SLC24A3: variants seen among roughly 807,000 people sequenced by gnomAD.
SLC24A3 encodes sodium/potassium/calcium exchanger 3.
A neutral mutation model predicts 75.8 loss-of-function variants in SLC24A3; 28 were observed. That is an observed-to-expected ratio of 0.37 (90% CI 0.27 to 0.51). The LOEUF is 0.51. Among genes scored for constraint, SLC24A3 ranks in the 20% least tolerant of loss-of-function variants. The pLI is 0.94. For synonymous variants in SLC24A3, 372 were observed against 334.1 expected, an observed-to-expected ratio of 1.11 and a Z score of -1.24; for missense variants, 663 against 847.8, an observed-to-expected ratio of 0.78 and a Z score of 2.71.
intron 2 of SLC24A3, among the ~76,000 whole-genome samples, chr20:19,445,688 A>G (rs113831497): frequency 1.3e-5 from 2 of 152,288 alleles, no homozygotes; most frequent in East Asian, 3.9e-4. Flanking sequence ...CAACAGGTGC[A>G]TTGAACCCCT....
intron 2 of SLC24A3, among the ~76,000 whole-genome samples, chr20:19,305,864 C>T (rs1000017187): frequency 6.6e-6 from 1 of 152,038 alleles, no homozygotes. Flanking sequence ...GCAACAAAAA[C>T]AAAAATTGAC....
intron 2 of SLC24A3, among the ~76,000 whole-genome samples, chr20:19,506,434 T>TA (rs986737500): frequency 1.9e-4 from 29 of 152,034 alleles, no homozygotes; most frequent in African/African-American, 4.8e-4. Flanking sequence ...CTTATGCCCT[T>TA]AAAAAAACAA....
chr20:19,705,441 G>A (rs923633990), intron 15 of SLC24A3, among the ~76,000 whole-genome samples: 3 of 152,126 alleles, frequency 2.0e-5, no homozygotes, highest in African/African-American at 7.2e-5. Flanking sequence ...AAATGCAGAC[G>A]TTATTTGGAA....
At chr20:19,467,981 A>AAG (rs1017174852) in intron 2 of SLC24A3, among the ~76,000 whole-genome samples, 1 of 152,012 alleles carries the variant, frequency 6.6e-6, no homozygotes, top group Non-Finnish European at 1.5e-5. Context: ...AGAAACCAGG[A>AAG]AGAGAGAGAG....
At chr20:19,639,991 G>C (rs574268057) in intron 6 of SLC24A3, among the ~76,000 whole-genome samples, 571 of 152,344 alleles carry the variant, frequency 3.7e-3, no homozygotes, top group African/African-American at 0.013. Flanking sequence ...GCGGAGCGCA[G>C]CCCTGATTCC....
intron 3 of SLC24A3, among the ~76,000 whole-genome samples, chr20:19,539,487 A>G (rs574192916): frequency 3.9e-5 from 6 of 152,126 alleles, no homozygotes; most frequent in Non-Finnish European, 8.8e-5. Flanking sequence ...CTGACTAATA[A>G]ACATCTGCCC....
chr20:19,513,819 T>A (rs1356219174), intron 2 of SLC24A3, among the ~76,000 whole-genome samples: 1 of 152,104 alleles, frequency 6.6e-6, no homozygotes, highest in Non-Finnish European at 1.5e-5. Flanking sequence ...GATCTTTTGA[T>A]ATACAGATAC....
intron 2 of SLC24A3, among the ~76,000 whole-genome samples, chr20:19,312,426 A>G (rs1000559063): frequency 6.6e-6 from 1 of 152,208 alleles, no homozygotes; most frequent in Non-Finnish European, 1.5e-5. Flanking sequence ...TTAAGAATGC[A>G]TACATATCCT....
At chr20:19,526,628 G>A (rs1471347702) in intron 3 of SLC24A3, among the ~76,000 whole-genome samples, 3 of 152,100 alleles carry the variant, frequency 2.0e-5, no homozygotes, top group Non-Finnish European at 4.4e-5. Context: ...CGCTTTGCTC[G>A]GAACTATCCT....
intron 16 of SLC24A3, among the ~76,000 whole-genome samples, chr20:19,720,138 G>A (rs180814290): frequency 1.3e-5 from 2 of 152,224 alleles, no homozygotes; most frequent in African/African-American, 4.8e-5. Flanking sequence ...CAGTGAAATG[G>A]CCTACACCTG....
At chr20:19,527,238 A>G (rs1441659490) in intron 3 of SLC24A3, among the ~76,000 whole-genome samples, 2 of 152,188 alleles carry the variant, frequency 1.3e-5, no homozygotes, top group Admixed American at 6.5e-5. Flanking sequence ...CTGTCCTGTA[A>G]CATGTCCTTC....
chr20:19,515,709 G>C, intron 3 of SLC24A3, 145 bp downstream of exon 3: 1 of 728,018 alleles, frequency 1.4e-6, no homozygotes, highest in Non-Finnish European at 2.3e-6. Context: ...GCTCTGTAGG[G>C]GGCCATCACC....
chr20:19,389,398 A>C (rs1350948027), intron 2 of SLC24A3, among the ~76,000 whole-genome samples: 1 of 152,166 alleles, frequency 6.6e-6, no homozygotes, highest in Non-Finnish European at 1.5e-5. Flanking sequence ...TTATAATACA[A>C]ATCTAGTGAT....
At chr20:19,589,653 G>A (rs777433548) in intron 6 of SLC24A3, among the ~76,000 whole-genome samples, 45 of 152,172 alleles carry the variant, frequency 3.0e-4, no homozygotes, top group Non-Finnish European at 5.4e-4. Flanking sequence ...ACTATAAAGT[G>A]TCTAGGGCCA....
At position 19,684,337 on chromosome 20, in the gene SLC24A3, G is replaced by A; in HGVS notation, c.1062+1G>A. 6.2e-7 allele frequency: 1 copy of A among 1,612,934 alleles called. No individual in the cohort carries two copies. The highest frequency in any genetic ancestry group is 8.5e-7 in the Non-Finnish European group (1 of 1,179,406). ...GGCCAGTCGCATGTTGATCAATGAG[G>A]TACCTGGGAAAGCACTGTCCACTGC... On this transcript the variant is annotated splice_donor_variant, in intron 11 of 16. Coordinates refer to ENST00000328041, the MANE Select transcript of SLC24A3 (RefSeq NM_020689.4). LOFTEE classifies it high-confidence loss of function.
In SLC24A3 at chr20:19,668,638, G is replaced by C. The variant is rs529465911; in HGVS notation, c.713+2749G>C. Among the ~76,000 whole-genome samples the C allele has an allele frequency of 1.8e-4, 28 of 152,348 alleles. 1 individual carries two copies. The highest frequency in any genetic ancestry group is 5.5e-4 in the African/African-American group (23 of 41,588). On this transcript the variant is annotated intron_variant, in intron 8 of 16. Coordinates refer to ENST00000328041, the MANE Select transcript of SLC24A3 (RefSeq NM_020689.4). ...AAATACACCAGGACAAAGTACCCCT[G>C]TCATGCAGTTCAGATTCTTTCACCA...
intron 1 of SLC24A3, among the ~76,000 whole-genome samples, chr20:19,239,241 G>A (rs993828096): frequency 6.6e-6 from 1 of 152,110 alleles, no homozygotes; most frequent in African/African-American, 2.4e-5. Flanking sequence ...TGTTTGAGAT[G>A]CCTAAGCCCG....
intron 6 of SLC24A3, among the ~76,000 whole-genome samples, chr20:19,646,517 TAAC>T (rs1264321897): frequency 1.3e-5 from 2 of 152,224 alleles, no homozygotes; most frequent in African/African-American, 4.8e-5. Context: ...TGTGTAATGT[TAAC>T]AACGATAACA....
Position 19,385,751 on chromosome 20 carries a change from C to G in SLC24A3, c.271+104664C>G, listed in dbSNP as rs6112341. Among the ~76,000 whole-genome samples the G allele has an allele frequency of 2.0e-5, 3 of 151,780 alleles. No homozygotes were observed. The East Asian group carries it at 5.8e-4, about 29-fold the overall frequency. ...CAACCTCCTGGGCTCAAATGATCCT[C>G]TTACCTCAGCCTTGCAAGTAGCTGG... On this transcript the variant is annotated intron_variant, in intron 2 of 16. Coordinates refer to ENST00000328041, the MANE Select transcript of SLC24A3 (RefSeq NM_020689.4).
Sources: gnomAD v4.1 joint callset for allele counts (sites outside exome capture counted in the v4.1 genomes callset) on GRCh38, gnomAD v4.1.1 for gene constraint, MANE v1.5 for transcripts, NCBI Gene and HGNC (gene_info 2026-07-23, HGNC 2026-07-21) for gene names.